Variants in HGSNAT observed in about 807,000 individuals in gnomAD.
HGSNAT encodes transmembrane protein 76.
A neutral mutation model predicts 85.2 loss-of-function variants in HGSNAT; 59 were observed. The observed-to-expected ratio is 0.69, with a 90% CI of 0.56 to 0.86. HGSNAT has a LOEUF of 0.86. HGSNAT is among the 40% of genes least tolerant of loss of function. The pLI, the probability that HGSNAT is intolerant of heterozygous loss-of-function variation, is 0.00. For synonymous variants in HGSNAT, 321 were observed against 304.5 expected (o/e 1.05, Z -0.56); for missense variants, 756 against 777.1 (o/e 0.97, Z 0.32).
At chr8:43,172,875 AACGTGTCTACAT>A (rs1172762637) in intron 8 of HGSNAT, among the ~76,000 whole-genome samples, 6 of 152,232 alleles carry the variant, frequency 3.9e-5, no homozygotes, top group Non-Finnish European at 7.3e-5. Flanking sequence ...AAACATAACA[AACGTGTCTACAT>A]ATTTCTAGTT....
intron 2 of HGSNAT, among the ~76,000 whole-genome samples, chr8:43,153,176 C>G (rs1802973469): frequency 6.6e-6 from 1 of 151,898 alleles, no homozygotes; most frequent in Admixed American, 6.6e-5. Context: ...ACTAACAGAC[C>G]AATGTAAGTG....
chr8:43,154,554 A>G (rs1490580607), intron 2 of HGSNAT, among the ~76,000 whole-genome samples: 2 of 152,072 alleles, frequency 1.3e-5, no homozygotes, highest in Non-Finnish European at 2.9e-5. Context: ...CTAGTATTCC[A>G]TGGTGTATAT....
chr8:43,172,205 C>A, intron 7 of HGSNAT, 105 bp from the exon 8 acceptor site: 2 of 817,978 alleles, frequency 2.4e-6, no homozygotes, highest in Non-Finnish European at 4.3e-6. Flanking sequence ...AGTAGAATTG[C>A]ATTGTTGCAT....
chr8:43,178,750 CGGCCTT>C (rs1297022777), intron 10 of HGSNAT, among the ~76,000 whole-genome samples: 7 of 149,718 alleles, frequency 4.7e-5, no homozygotes, highest in African/African-American at 1.5e-4. Flanking sequence ...GAGGACCCTG[CGGCCTT>C]GGCCTTCCGC....
chr8:43,157,756 TGACAGAG>T (rs1803136994), intron 2 of HGSNAT, among the ~76,000 whole-genome samples: 1 of 151,966 alleles, frequency 6.6e-6, no homozygotes, highest in Non-Finnish European at 1.5e-5. Context: ...CCAACCTGGG[TGACAGAG>T]TGAGACCCCA....
In HGSNAT at chr8:43,170,977, G is replaced by A. The variant is rs189947300; in HGVS notation, c.743+283G>A. Among the ~76,000 whole-genome samples, 836 of 152,254 alleles carry A rather than the reference G, an allele frequency of 5.5e-3. 4 individuals are homozygous for A. Among genetic ancestry groups the A allele is most frequent in the Non-Finnish European group, 7.8e-3 (528 of 68,022 alleles). ...AAGGGCATTTTTATTTGGGCAAGTC[G>A]CTGTTACTTGGGGCTGCAGACTGTA... On this transcript the variant is annotated intron_variant, in intron 7 of 17. Transcript: ENST00000379644.
chr8:43,155,229 T>G (rs1460170274), intron 2 of HGSNAT, among the ~76,000 whole-genome samples: 1 of 152,172 alleles, frequency 6.6e-6, no homozygotes, highest in Non-Finnish European at 1.5e-5. Flanking sequence ...TCCACATCCT[T>G]GCCAGCATGC....
intron 2 of HGSNAT, among the ~76,000 whole-genome samples, 172 bp from the exon 3 acceptor site, chr8:43,158,403 A>G (rs150185550): frequency 1.4e-4 from 22 of 152,286 alleles, no homozygotes; most frequent in African/African-American, 5.3e-4. Flanking sequence ...CAGCCCAGTC[A>G]TTGTTTTAGT....
At chr8:43,195,252 A>G (rs575627518) in intron 14 of HGSNAT, among the ~76,000 whole-genome samples, 14 of 152,214 alleles carry the variant, frequency 9.2e-5, no homozygotes, top group African/African-American at 3.4e-4. Flanking sequence ...AAACTTAAAC[A>G]CTAATAGCCT....
intron 11 of HGSNAT, among the ~76,000 whole-genome samples, chr8:43,185,311 G>A (rs1478264146): frequency 6.6e-6 from 1 of 152,024 alleles, no homozygotes; most frequent in African/African-American, 2.4e-5. Context: ...CTTTTATTTT[G>A]TTGAGCAGTG....
chr8:43,176,558 C>T (rs914865900), intron 9 of HGSNAT, among the ~76,000 whole-genome samples: 1 of 151,984 alleles, frequency 6.6e-6, no homozygotes, highest in African/African-American at 2.4e-5. Flanking sequence ...TAAATTTCAG[C>T]ATTTTTTTTT....
rs533264387 is a variant in HGSNAT at position 43,193,026 on chromosome 8, C to T, written c.1377+596C>T. Among the ~76,000 whole-genome samples the T allele has an allele frequency of 7.9e-5, 12 of 152,312 alleles. No individual in the cohort carries two copies. In the East Asian group the frequency reaches 1.5e-3, roughly 20 times the overall value. ...GCCAATCTTGGGGGCACCGGGGTGG[C>T]GCTGCAGAATTGTTCTGAATTGAGG... On this transcript the variant is annotated intron_variant, in intron 13 of 17. Transcript: ENST00000379644.
chr8:43,192,561 A>G (rs922801005), intron 13 of HGSNAT, 131 bp downstream of exon 13: 2 of 1,043,324 alleles, frequency 1.9e-6, no homozygotes, highest in African/African-American at 3.2e-5. Context: ...TTATTTGAAA[A>G]GTCAGCTAAC....
Position 43,169,179 on chromosome 8 carries a change from T to C in HGSNAT, c.570T>C (p.Asp190=), listed in dbSNP as rs2130741857. The C allele has an allele frequency of 6.4e-7, 1 of 1,553,594 alleles. No individual in the cohort carries two copies. The highest frequency in any genetic ancestry group is 1.3e-5 in the South Asian group (1 of 79,860). The change falls in exon 6 of 18, where the codon GAT becomes GAC. Residue 190 remains aspartate (D), a synonymous_variant. Coordinates refer to ENST00000379644, the MANE Select transcript of HGSNAT (RefSeq NM_152419.3). ...ISFLRLLLSL[D]DFNNWISKAI... The stretch of plus-strand genomic sequence containing the variant: ...GCCCTTTATTTATTTTCAGTTTGGA[T>C]GACTTTAACAATTGGATTTCTAAAG...
At chr8:43,172,422 C>T (rs773552088) in intron 8 of HGSNAT, 36 bp downstream of exon 8, 18 of 1,400,490 alleles carry the variant, frequency 1.3e-5, no homozygotes, top group Admixed American at 8.4e-5. Context: ...TGCTTATATA[C>T]GTCCTTCACA....
intron 4 of HGSNAT, 34 bp downstream of exon 4, chr8:43,159,078 G>T (rs896001039): frequency 6.3e-7 from 1 of 1,591,704 alleles, no homozygotes. Context: ...TTTCACATTT[G>T]CATTTTCAGA....
chr8:43,141,791 A>C (rs1482223688), intron 1 of HGSNAT, among the ~76,000 whole-genome samples: 2 of 151,912 alleles, frequency 1.3e-5, no homozygotes, highest in African/African-American at 2.4e-5. Context: ...CCTCCTTTAA[A>C]ATTGCAAGGA....
chr8:43,156,109 G>C (rs1045202142), intron 2 of HGSNAT, among the ~76,000 whole-genome samples: 3 of 152,166 alleles, frequency 2.0e-5, no homozygotes, highest in Non-Finnish European at 4.4e-5. Context: ...CAAAGTGCTG[G>C]GATTACAGGC....
chr8:43,148,202 A>G (rs890756108), intron 2 of HGSNAT, among the ~76,000 whole-genome samples: 4 of 152,022 alleles, frequency 2.6e-5, no homozygotes, highest in African/African-American at 9.7e-5. Context: ...AGATCGCGCC[A>G]TTGCTCTCCA....
Sources: gnomAD v4.1 joint callset for allele counts (sites outside exome capture counted in the v4.1 genomes callset) on GRCh38, gnomAD v4.1.1 for gene constraint, MANE v1.5 for transcripts, NCBI Gene and HGNC (gene_info 2026-07-23, HGNC 2026-07-21) for gene names.